The following KIAA1217 variants were observed in gnomAD, a reference collection of about 807,000 sequenced individuals.
KIAA1217 encodes KIAA1217.
Under a neutral mutation model 163.9 loss-of-function variants are expected in KIAA1217, and 88 were observed. The ratio of observed to expected loss-of-function variants is 0.54; its 90% CI spans 0.45 to 0.64. The LOEUF is 0.64. KIAA1217 is among the 30% of genes least tolerant of loss of function. The pLI is 0.00. For missense variants in KIAA1217, 2,372 were observed against 2,475.0 expected, an observed-to-expected ratio of 0.96 and a Z score of 0.88; for synonymous variants, 903 against 923.1, an observed-to-expected ratio of 0.98 and a Z score of 0.39.
chr10:24,388,881 C>T (rs543266166), intron 3 of KIAA1217, among the ~76,000 whole-genome samples: 12 of 139,038 alleles, frequency 8.6e-5, no homozygotes, highest in Non-Finnish European at 1.4e-4. Flanking sequence ...GTTAGAATGG[C>T]GATCATTAAA....
chr10:24,438,246 A>G, intron 4 of KIAA1217, 140 bp from the exon 5 acceptor site: 4 of 599,374 alleles, frequency 6.7e-6, no homozygotes, highest in South Asian at 4.8e-5. Flanking sequence ...TTATGGTCAC[A>G]TAGCTTTTGA....
At chr10:24,501,081 T>A (rs567240894) in intron 8 of KIAA1217, among the ~76,000 whole-genome samples, 5 of 108,182 alleles carry the variant, frequency 4.6e-5, no homozygotes, top group South Asian at 2.6e-4. Flanking sequence ...GAAAAAAAAA[T>A]TAAAATAAAA....
chr10:24,329,622 C>G (rs186610003), intron 2 of KIAA1217, among the ~76,000 whole-genome samples: 1 of 152,112 alleles, frequency 6.6e-6, no homozygotes, highest in African/African-American at 2.4e-5. Context: ...CTACTCGGAA[C>G]CTAGATGTTC....
intron 6 of KIAA1217, chr10:24,481,681 C>G (rs2133317437): frequency 6.6e-6 from 1 of 152,296 alleles, no homozygotes; most frequent in East Asian, 1.9e-4. Flanking sequence ...TACAAGTAAA[C>G]TTTTCAATGA....
chr10:23,846,734 C>G lies in KIAA1217; in HGVS notation c.-321+151500C>G, dbSNP rs545517797. ...ATTTGAATACGCTTTATTTCTTTCT[C>G]TTGCCTAATTGCCCTGGCCAGAACT... On this transcript the variant is annotated intron_variant, in intron 1 of 18. Coordinates refer to the KIAA1217 transcript ENST00000376462. Among the ~76,000 whole-genome samples, 132 of 152,274 alleles carry G rather than the reference C, an allele frequency of 8.7e-4. 1 individual carries two copies. The highest frequency in any genetic ancestry group is 3.4e-3 in the Middle Eastern group (1 of 294).
rs536346060 is a variant in KIAA1217, at chr10:24,384,861, C to T, written c.553+3794C>T. On this transcript the variant is annotated intron_variant, in intron 3 of 20. Coordinates refer to ENST00000376454, the MANE Select transcript of KIAA1217 (RefSeq NM_019590.5). The stretch of plus-strand genomic sequence containing the variant: ...GCTTTTTAAAAGTATTGCACAAAGA[C>T]ATTATTTATCATGATCACTGAGCTT... Among the ~76,000 whole-genome samples the T allele has an allele frequency of 1.1e-4, 17 of 152,318 alleles. No individual in the cohort carries two copies. In the South Asian group the frequency reaches 2.1e-3, roughly 19 times the overall value.
At chr10:24,490,497 C>T (rs1054142763) in intron 6 of KIAA1217, among the ~76,000 whole-genome samples, 1 of 152,130 alleles carries the variant, frequency 6.6e-6, no homozygotes, top group Non-Finnish European at 1.5e-5. Context: ...TTTACTTAAA[C>T]CATAAAATTG....
intron 3 of KIAA1217, among the ~76,000 whole-genome samples, chr10:24,423,780 C>T (rs1257469276): frequency 6.6e-6 from 1 of 152,200 alleles, no homozygotes; most frequent in Non-Finnish European, 1.5e-5. Flanking sequence ...AAGTGATCCA[C>T]CCACCTTGGC....
intron 2 of KIAA1217, among the ~76,000 whole-genome samples, chr10:24,120,113 GT>G (rs2063223065): frequency 1.3e-5 from 2 of 152,200 alleles, no homozygotes; most frequent in African/African-American, 4.8e-5. Flanking sequence ...CTTGTTACTG[GT>G]TAGCCCTTCA....
intron 1 of KIAA1217, among the ~76,000 whole-genome samples, chr10:23,967,887 A>T (rs2131384889): frequency 6.9e-6 from 1 of 145,334 alleles, no homozygotes; most frequent in African/African-American, 2.6e-5. Flanking sequence ...AACTCACAGA[A>T]TAATATATTA....
intron 1 of KIAA1217, among the ~76,000 whole-genome samples, chr10:23,858,226 G>A (rs1839791888): frequency 6.6e-6 from 1 of 152,088 alleles, no homozygotes; most frequent in Admixed American, 6.5e-5. Context: ...AAATGAGCTG[G>A]ATGGGGAAGA....
At chr10:23,962,760 T>C (rs1051378319) in intron 1 of KIAA1217, among the ~76,000 whole-genome samples, 1 of 152,188 alleles carries the variant, frequency 6.6e-6, no homozygotes, top group African/African-American at 2.4e-5. Context: ...ATTCTACTAC[T>C]TGAGGTCTGT....
Position 24,513,138 on chromosome 10 carries a change from A to T in KIAA1217, c.2002-121A>T, listed in dbSNP as rs2069476621. ...TTTGCTCCCTTTCCTTTCTCATTGA[A>T]ATAAGTAAAGATTCAGCCGCAGGGC... On this transcript the variant is annotated intron_variant, in intron 9 of 20. Coordinates refer to ENST00000376454, the MANE Select transcript of KIAA1217 (RefSeq NM_019590.5). 8.1e-6 allele frequency: 7 copies of T among 859,938 alleles called. No individual in the cohort carries two copies. In the South Asian group the frequency reaches 1.2e-4, roughly 14 times the overall value. 53.3% of individuals were successfully genotyped at this position (859,938 alleles called of 1,614,324 possible).
At chr10:24,165,286 G>A (rs2065293343) in intron 2 of KIAA1217, among the ~76,000 whole-genome samples, 2 of 152,184 alleles carry the variant, frequency 1.3e-5, no homozygotes, top group Admixed American at 1.3e-4. Context: ...GTATTGCTGG[G>A]AATGGAAGAA....
Position 24,236,990 on chromosome 10 carries a change from G to A in KIAA1217, c.354+17081G>A, listed in dbSNP as rs369068111. Among the ~76,000 whole-genome samples the A allele has an allele frequency of 3.7e-4, 56 of 152,238 alleles. 2 individuals carry two copies. In the East Asian group the frequency reaches 0.01, roughly 28 times the overall value. On this transcript the variant is annotated intron_variant, in intron 2 of 20. Transcript: ENST00000376454. ...TGCTATAAAACAGGTTTGTTGAAGC[G>A]AATTCAAGACAGAGAGTCTTATTTG...
chr10:23,990,416 A>G (rs1014253779), intron 1 of KIAA1217, among the ~76,000 whole-genome samples: 1 of 152,154 alleles, frequency 6.6e-6, no homozygotes, highest in African/African-American at 2.4e-5. Flanking sequence ...GCAAAATAGT[A>G]TCCTTCACCA....
intron 1 of KIAA1217, among the ~76,000 whole-genome samples, chr10:23,821,972 G>A (rs1837640753): frequency 6.6e-6 from 1 of 152,168 alleles, no homozygotes; most frequent in African/African-American, 2.4e-5. Flanking sequence ...CGTGTCTCCT[G>A]AAGCCCCTGC....
chr10:24,470,686 G>A (rs1312736328), intron 5 of KIAA1217, among the ~76,000 whole-genome samples: 2 of 152,136 alleles, frequency 1.3e-5, no homozygotes, highest in Non-Finnish European at 2.9e-5. Flanking sequence ...ACTCCAGGGG[G>A]CCCAGAAATA....
intron 2 of KIAA1217, among the ~76,000 whole-genome samples, chr10:24,253,694 TGCAATCCA>T (rs145954846): frequency 0.016 from 2,393 of 151,040 alleles, 57 homozygotes; most frequent in African/African-American, 0.055. Flanking sequence ...ATTGTGCCAC[TGCAATCCA>T]GCCTGGGCAA....
Sources: gnomAD v4.1 joint callset for allele counts (sites outside exome capture counted in the v4.1 genomes callset) on GRCh38, gnomAD v4.1.1 for gene constraint, MANE v1.5 for transcripts, NCBI Gene and HGNC (gene_info 2026-07-23, HGNC 2026-07-21) for gene names.